The following ALMS1 variants were observed in gnomAD, a reference collection of about 807,000 sequenced individuals.
ALMS1 encodes centrosome-associated protein ALMS1.
A neutral mutation model predicts 352.2 loss-of-function variants in ALMS1; 271 were observed. The ratio of observed to expected loss-of-function variants is 0.77; its 90% CI spans 0.70 to 0.85. The LOEUF is 0.85. Among genes scored for constraint, ALMS1 ranks in the 40% least tolerant of loss-of-function variants. The pLI is 0.00. For synonymous variants in ALMS1, 1,865 were observed against 1,761.2 expected, an observed-to-expected ratio of 1.06 and a Z score of -1.48; for missense variants, 5,445 against 4,870.7, an observed-to-expected ratio of 1.12 and a Z score of -3.51.
intron 1 of ALMS1, among the ~76,000 whole-genome samples, chr2:73,396,186 G>T (rs1030369097): frequency 6.6e-6 from 1 of 151,844 alleles, no homozygotes; most frequent in African/African-American, 2.4e-5. Context: ...TAATAATTTT[G>T]TCAAATTATT....
intron 9 of ALMS1, 28 bp from the exon 10 acceptor site, chr2:73,489,606 T>A (rs748782497): frequency 6.2e-7 from 1 of 1,613,602 alleles, no homozygotes. Flanking sequence ...CTACTTCAAA[T>A]AAGAACCTGT....
At chr2:73,432,558 T>C (rs1186448421) in intron 7 of ALMS1, among the ~76,000 whole-genome samples, 3 of 150,036 alleles carry the variant, frequency 2.0e-5, no homozygotes, top group Non-Finnish European at 4.4e-5. Context: ...ATTCAGTGTC[T>C]TGTGAGGGCC....
chr2:73,448,328 G>A lies in ALMS1; in HGVS notation c.1801G>A (p.Val601Ile). 1 of 1,613,974 alleles carries A rather than the reference G, an allele frequency of 6.2e-7. No individual in the cohort carries two copies. The highest frequency in any genetic ancestry group is 8.5e-7 in the Non-Finnish European group (1 of 1,179,932). The change falls in exon 8 of 23, where the codon GTT becomes ATT. Residue 601 changes from valine (V) to isoleucine (I), a missense_variant. Physicochemically the swap from Val to Ile is conservative, Grantham distance 29. Coordinates refer to ENST00000613296, the MANE Select transcript of ALMS1 (RefSeq NM_001378454.1). Reference sequence around the variant, plus strand: ...TCATCTAACTGAAGAGGCTTTGAAAGTTTCAGCTGCTCCTGGACTAGCTGA... The same window carrying A: ...TCATCTAACTGAAGAGGCTTTGAAAATTTCAGCTGCTCCTGGACTAGCTGA... ...DSHLTEEALK[V>I]SAAPGLADQT...
chr2:73,597,967 G>C (rs183262195), intron 16 of ALMS1, among the ~76,000 whole-genome samples: 2 of 152,230 alleles, frequency 1.3e-5, no homozygotes, highest in Admixed American at 6.5e-5. Context: ...CCATATCTAA[G>C]ACATTTATGT....
intron 21 of ALMS1, among the ~76,000 whole-genome samples, chr2:73,604,410 A>C (rs1675770379): frequency 6.6e-6 from 1 of 152,224 alleles, no homozygotes; most frequent in African/African-American, 2.4e-5. Context: ...AAAAATAATA[A>C]ATACAATTTT....
At chr2:73,551,295 C>T (rs1196697611) in intron 13 of ALMS1, among the ~76,000 whole-genome samples, 2 of 152,126 alleles carry the variant, frequency 1.3e-5, no homozygotes, top group Non-Finnish European at 2.9e-5. Context: ...GCAGCTGAGC[C>T]ATGGCTGTCC....
intron 15 of ALMS1, 113 bp from the exon 16 acceptor site, chr2:73,572,149 T>A (rs952608769): frequency 1.1e-6 from 1 of 924,606 alleles, no homozygotes; most frequent in Non-Finnish European, 1.6e-6. Context: ...ATACCTTATA[T>A]AAACTATTCT....
chr2:73,495,437 T>C (rs953444895), intron 10 of ALMS1, among the ~76,000 whole-genome samples: 6 of 152,144 alleles, frequency 3.9e-5, no homozygotes, highest in Non-Finnish European at 8.8e-5. Flanking sequence ...GGTTTCACCA[T>C]GTTGGCCAGG....
At chr2:73,592,586 A>G (rs865796623) in intron 16 of ALMS1, among the ~76,000 whole-genome samples, 2 of 152,312 alleles carry the variant, frequency 1.3e-5, no homozygotes, top group Middle Eastern at 6.8e-3. Context: ...CCTCTAAAGG[A>G]AAAGCATCTC....
At chr2:73,511,516 C>T (rs1436657806) in intron 10 of ALMS1, among the ~76,000 whole-genome samples, 3 of 152,116 alleles carry the variant, frequency 2.0e-5, no homozygotes, top group African/African-American at 4.8e-5. Flanking sequence ...TAACCAGTCT[C>T]AATGAGATGA....
At chr2:73,439,006 C>T (rs541748544) in intron 7 of ALMS1, among the ~76,000 whole-genome samples, 173 of 139,134 alleles carry the variant, frequency 1.2e-3, no homozygotes, top group Non-Finnish European at 2.3e-3. Context: ...CCTCTTCTTC[C>T]TCTCCTCCTC....
Position 73,466,543 on chromosome 2 carries a change from A to G in ALMS1, c.7674+11248A>G, listed in dbSNP as rs947159088. On this transcript the variant is annotated intron_variant, in intron 9 of 22. Transcript: ENST00000613296. ...CATTTGGAGATATACCTAATGTTAAATGACGAGTTAATGGGTGCAGCACAC... is the reference window on the plus strand; with the variant it reads ...CATTTGGAGATATACCTAATGTTAAGTGACGAGTTAATGGGTGCAGCACAC... Among the ~76,000 whole-genome samples the G allele has an allele frequency of 6.6e-5, 10 of 151,784 alleles. No homozygotes were observed. In the East Asian group the frequency reaches 1.9e-3, roughly 29 times the overall value.
At chr2:73,479,419 CCTTT>C (rs947104196) in intron 9 of ALMS1, among the ~76,000 whole-genome samples, 1 of 152,090 alleles carries the variant, frequency 6.6e-6, no homozygotes, top group Admixed American at 6.5e-5. Flanking sequence ...CTAATTTGTT[CCTTT>C]GTTTCTATAA....
chr2:73,595,828 T>C (rs1320936582), intron 16 of ALMS1, among the ~76,000 whole-genome samples: 2 of 152,238 alleles, frequency 1.3e-5, no homozygotes, highest in Non-Finnish European at 2.9e-5. Flanking sequence ...ATAGCCATTC[T>C]AGTGGGTGTG....
chr2:73,434,487 C>T (rs151216081), intron 7 of ALMS1, among the ~76,000 whole-genome samples: 2 of 152,156 alleles, frequency 1.3e-5, no homozygotes, highest in African/African-American at 4.8e-5. Flanking sequence ...TATTGAGGCT[C>T]GTTTTATGTT....
Position 73,453,257 on chromosome 2 carries a change from G to T in ALMS1, c.6730G>T (p.Val2244Phe). 6.2e-7 allele frequency: 1 copy of T among 1,613,998 alleles called. No homozygotes were observed. Among genetic ancestry groups the T allele is most frequent in the Admixed American group, 1.7e-5 (1 of 59,998 alleles). ...ACCAGAATCTGCAGGTTTTAGAGAT[G>T]TTGGCTCTGAAGAAATCCAGGATGC... ...NKPESAGFRD[V>F]GSEEIQDAEN... Residue 2244 changes from valine to phenylalanine, a missense_variant, in exon 8 of 23, where the codon GTT becomes TTT. Transcript: ENST00000613296.
chr2:73,539,888 C>T (rs112414241), intron 12 of ALMS1, among the ~76,000 whole-genome samples: 4 of 152,156 alleles, frequency 2.6e-5, no homozygotes, highest in Non-Finnish European at 5.9e-5. Context: ...ACCAAATCTA[C>T]GTCTGATTGG....
intron 7 of ALMS1, among the ~76,000 whole-genome samples, chr2:73,433,325 C>G (rs1671548522): frequency 6.6e-6 from 1 of 152,052 alleles, no homozygotes; most frequent in African/African-American, 2.4e-5. Flanking sequence ...GGATAGCAGT[C>G]AAAGAGAGAA....
chr2:73,401,660 G>C (rs981299668), intron 1 of ALMS1, among the ~76,000 whole-genome samples: 4 of 148,940 alleles, frequency 2.7e-5, no homozygotes, highest in African/African-American at 9.9e-5. Context: ...TAACATATTC[G>C]TGATCTCACA....
Sources: allele counts gnomAD v4.1 joint callset (sites outside exome capture counted in the v4.1 genomes callset), GRCh38; gene constraint gnomAD v4.1.1; transcripts MANE v1.5; gene names NCBI Gene and HGNC (gene_info 2026-07-23, HGNC 2026-07-21).